CSMD1: variants seen among roughly 807,000 people sequenced by gnomAD.
CSMD1 encodes CUB and Sushi multiple domains 1.
CSMD1 carries 213 observed loss-of-function variants against 417.5 expected under a neutral mutation model. That is an observed-to-expected ratio of 0.51 (90% CI 0.46 to 0.57). The LOEUF is 0.57. CSMD1 is among the 20% of genes least tolerant of loss of function. The pLI is 0.00. For missense variants in CSMD1, 6,923 were observed against 4,529.7 expected, an observed-to-expected ratio of 1.53 and a Z score of -15.17; for synonymous variants, 2,862 against 1,736.8, an observed-to-expected ratio of 1.65 and a Z score of -16.11.
intron 3 of CSMD1, among the ~76,000 whole-genome samples, chr8:4,126,523 T>C (rs1178999113): frequency 6.6e-6 from 1 of 152,176 alleles, no homozygotes; most frequent in Non-Finnish European, 1.5e-5. Context: ...CTCCCACTGA[T>C]GGTCAGTGCT....
chr8:4,136,109 A>G, intron 3 of CSMD1, among the ~76,000 whole-genome samples: 1 of 152,240 alleles, frequency 6.6e-6, no homozygotes, highest in East Asian at 1.9e-4. Context: ...CCTTTGAAGG[A>G]AACTTTCCAA....
intron 20 of CSMD1, 113 bp from the exon 21 acceptor site, chr8:3,359,453 A>G (rs772369110): frequency 2.5e-6 from 2 of 787,216 alleles, no homozygotes; most frequent in East Asian, 2.7e-5. Flanking sequence ...ACCTACATAT[A>G]TATTTTCCCC....
intron 1 of CSMD1, among the ~76,000 whole-genome samples, chr8:4,975,937 A>G (rs1437754360): frequency 6.6e-6 from 1 of 152,246 alleles, no homozygotes; most frequent in African/African-American, 2.4e-5. Context: ...GTGATAAAAC[A>G]TAATTTTATT....
intron 42 of CSMD1, among the ~76,000 whole-genome samples, chr8:3,114,159 G>C (rs1019632168): frequency 6.6e-6 from 1 of 152,142 alleles, no homozygotes; most frequent in Non-Finnish European, 1.5e-5. Flanking sequence ...TAGGAGGATT[G>C]CTTGAGCCTG....
At chr8:4,068,319 G>C (rs537475774) in intron 3 of CSMD1, among the ~76,000 whole-genome samples, 1 of 152,162 alleles carries the variant, frequency 6.6e-6, no homozygotes. Context: ...CGGGAGAGCT[G>C]TGAGGCCAGC....
intron 41 of CSMD1, chr8:3,127,689 T>C (rs1405457112): frequency 6.6e-6 from 1 of 152,338 alleles, no homozygotes; most frequent in East Asian, 1.9e-4. Context: ...AGTGGAACTT[T>C]GAAAATAAAA....
At chr8:3,353,264 C>G (rs536541535) in intron 21 of CSMD1, among the ~76,000 whole-genome samples, 28 of 152,280 alleles carry the variant, frequency 1.8e-4, no homozygotes, top group Non-Finnish European at 3.5e-4. Flanking sequence ...TTTGAAGAAA[C>G]ATTGGTATAC....
At chr8:3,995,000 A>T (rs1815091196) in intron 5 of CSMD1, among the ~76,000 whole-genome samples, 1 of 152,142 alleles carries the variant, frequency 6.6e-6, no homozygotes, top group African/African-American at 2.4e-5. Flanking sequence ...GTGCTTGGGA[A>T]GAGGTCGCAG....
At chr8:4,761,843 CTATCTATCT>C (rs1563318782) in intron 1 of CSMD1, among the ~76,000 whole-genome samples, 217 of 69,638 alleles carry the variant, frequency 3.1e-3, no homozygotes, top group Admixed American at 4.4e-3. Context: ...ATGCATCTAT[CTATCTATCT>C]ATCTATCTAT....
intron 1 of CSMD1, among the ~76,000 whole-genome samples, chr8:4,951,790 A>C (rs960471656): frequency 3.3e-5 from 5 of 151,984 alleles, no homozygotes; most frequent in South Asian, 2.1e-4. Flanking sequence ...TCTCTGGTGA[A>C]AGATATTTCT....
chr8:4,056,198 C>G (rs530425661), intron 3 of CSMD1, among the ~76,000 whole-genome samples: 1 of 150,760 alleles, frequency 6.6e-6, no homozygotes, highest in East Asian at 2.0e-4. Context: ...TCTCTTGCCT[C>G]AGCCTCCCGA....
chr8:4,631,277 G>A lies in CSMD1; in HGVS notation c.302+6065C>T, dbSNP rs191825436. ...CTTGGGAGGCTGAGGCAGGAGAATC[G>A]CTGGAACCTGGGAGGCAGAGGTTGC... On this transcript the variant is annotated intron_variant, in intron 2 of 69. Coordinates refer to ENST00000635120, the MANE Select transcript of CSMD1 (RefSeq NM_033225.6). 5.4e-3 allele frequency among the ~76,000 whole-genome samples: 826 copies of A among 152,212 alleles called. 9 individuals are homozygous for A. The highest frequency in any genetic ancestry group is 0.018 in the African/African-American group (759 of 41,520).
At chr8:4,510,389 C>CAAAAAAAAAAAA (rs1563243981) in intron 2 of CSMD1, among the ~76,000 whole-genome samples, 2 of 10,960 alleles carry the variant, frequency 1.8e-4, no homozygotes, top group African/African-American at 8.3e-4. Context: ...AGCATAATGC[C>CAAAAAAAAAAAA]TAAAAAAAAA....
intron 12 of CSMD1, among the ~76,000 whole-genome samples, chr8:3,439,013 C>G (rs7000929): frequency 0.57 from 85,137 of 148,426 alleles, 24,463 homozygotes; most frequent in African/African-American, 0.6. Flanking sequence ...TCCCAGCTAC[C>G]CAGGAGGCTG....
At chr8:4,474,016 C>G (rs1232775882) in intron 2 of CSMD1, among the ~76,000 whole-genome samples, 3 of 151,944 alleles carry the variant, frequency 2.0e-5, no homozygotes, top group Non-Finnish European at 4.4e-5. Context: ...AAGACCCAAT[C>G]CATTAAATAA....
chr8:3,849,945 G>C, intron 5 of CSMD1, among the ~76,000 whole-genome samples: 1 of 151,714 alleles, frequency 6.6e-6, no homozygotes, highest in East Asian at 1.9e-4. Flanking sequence ...CTCCCAAGTA[G>C]CTGGGAATTA....
chr8:3,471,859 A>G (rs987627724), intron 11 of CSMD1, among the ~76,000 whole-genome samples: 1 of 152,192 alleles, frequency 6.6e-6, no homozygotes, highest in Admixed American at 6.5e-5. Context: ...GTTAAAGAAG[A>G]ATGTGGGCAT....
At chr8:4,741,719 C>T (rs746939535) in intron 1 of CSMD1, among the ~76,000 whole-genome samples, 24 of 152,118 alleles carry the variant, frequency 1.6e-4, no homozygotes, top group Non-Finnish European at 2.8e-4. Flanking sequence ...TTCCCACATC[C>T]CTGACATAGT....
intron 3 of CSMD1, among the ~76,000 whole-genome samples, chr8:4,148,545 G>A (rs1364227261): frequency 6.6e-6 from 1 of 152,052 alleles, no homozygotes; most frequent in African/African-American, 2.4e-5. Flanking sequence ...TTGGCTACTT[G>A]GAGTTCTGGA....
Sources: allele counts gnomAD v4.1 joint callset (sites outside exome capture counted in the v4.1 genomes callset), GRCh38; gene constraint gnomAD v4.1.1; transcripts MANE v1.5; gene names NCBI Gene and HGNC (gene_info 2026-07-23, HGNC 2026-07-21).